Variants in FAM110B observed in about 807,000 individuals in gnomAD.
FAM110B encodes the protein family with sequence similarity 110 member B, also known as protein FAM110B.
In FAM110B, 6 loss-of-function variants were observed where a neutral mutation model predicts 20.4. The observed-to-expected ratio is 0.29, with a 90% CI of 0.16 to 0.58. The LOEUF (loss-of-function observed/expected upper bound fraction) is 0.58, where lower values mean the gene tolerates loss of function less well. Among genes scored for constraint, FAM110B ranks in the 20% least tolerant of loss-of-function variants. The pLI is 0.90. For missense variants in FAM110B, 434 were observed against 498.2 expected (o/e 0.87, Z 1.23); for synonymous variants, 226 against 214.1 (o/e 1.06, Z -0.49).
chr8:58,060,511 G>T (rs1345384891), intron 2 of FAM110B, among the ~76,000 whole-genome samples: 2 of 152,212 alleles, frequency 1.3e-5, no homozygotes, highest in East Asian at 3.9e-4. Flanking sequence ...CAAGACCAGT[G>T]AGACTGACCA....
chr8:58,128,380 C>G (rs891198275), intron 3 of FAM110B, among the ~76,000 whole-genome samples: 4 of 152,154 alleles, frequency 2.6e-5, no homozygotes, highest in Non-Finnish European at 5.9e-5. Context: ...CAAGTGCTCT[C>G]AGAGAATTCT....
At chr8:58,004,764 A>G (rs954251340) in intron 1 of FAM110B, among the ~76,000 whole-genome samples, 1 of 152,178 alleles carries the variant, frequency 6.6e-6, no homozygotes, top group Non-Finnish European at 1.5e-5. Flanking sequence ...AACAAACCTC[A>G]TGAACCAACG....
At chr8:58,097,873 G>A (rs1299697017) in intron 3 of FAM110B, among the ~76,000 whole-genome samples, 1 of 152,158 alleles carries the variant, frequency 6.6e-6, no homozygotes, top group Non-Finnish European at 1.5e-5. Flanking sequence ...TGTTTGCATG[G>A]GTATCACCAG....
chr8:58,061,465 C>T (rs1228098550), intron 2 of FAM110B, among the ~76,000 whole-genome samples: 1 of 152,210 alleles, frequency 6.6e-6, no homozygotes, highest in Admixed American at 6.5e-5. Context: ...TTTAAACTCT[C>T]CTCTTCATTA....
chr8:58,116,726 A>G (rs1342564959), intron 3 of FAM110B, among the ~76,000 whole-genome samples: 1 of 152,146 alleles, frequency 6.6e-6, no homozygotes, highest in South Asian at 2.1e-4. Context: ...TGAATGTGTC[A>G]TGATAGTAAA....
intron 3 of FAM110B, among the ~76,000 whole-genome samples, chr8:58,107,005 A>C (rs1021559426): frequency 5.3e-5 from 8 of 152,126 alleles, no homozygotes; most frequent in Non-Finnish European, 1.0e-4. Context: ...ATTATTAAGT[A>C]CTCATTGCAT....
At chr8:58,109,375 A>T (rs180978893) in intron 3 of FAM110B, among the ~76,000 whole-genome samples, 5 of 152,240 alleles carry the variant, frequency 3.3e-5, no homozygotes, top group Admixed American at 3.3e-4. Flanking sequence ...TTGCTATACA[A>T]ATCTAGCCAT....
chr8:58,060,223 G>A (rs776596961), intron 2 of FAM110B, among the ~76,000 whole-genome samples: 5 of 152,120 alleles, frequency 3.3e-5, no homozygotes, highest in Non-Finnish European at 5.9e-5. Flanking sequence ...ATTCCTCACC[G>A]TGGCTCACAT....
At chr8:58,002,805 G>T (rs1228039360) in intron 1 of FAM110B, among the ~76,000 whole-genome samples, 2 of 152,204 alleles carry the variant, frequency 1.3e-5, no homozygotes, top group East Asian at 3.8e-4. Context: ...TGAGCCTTCA[G>T]CAAGTCATAC....
At chr8:58,117,741 A>G (rs1368768217) in intron 3 of FAM110B, among the ~76,000 whole-genome samples, 1 of 152,208 alleles carries the variant, frequency 6.6e-6, no homozygotes, top group Non-Finnish European at 1.5e-5. Context: ...GCACGGTCTG[A>G]GTGCTATTTC....
At position 58,146,154 on chromosome 8, in the gene FAM110B, G is replaced by A; in HGVS notation, c.-77G>A. ...GCACCCGCCGCCCTTGGCGCTTCAT[G>A]TACATGTGTCTATTCAGGCCTTGCG... On this transcript the variant is annotated 5_prime_UTR_variant, in exon 4 of 4. It removes an upstream start codon present in the reference 5' UTR. Transcript: ENST00000519262. 3 of 1,499,170 alleles carry A rather than the reference G, an allele frequency of 2.0e-6. No homozygotes were observed. Among genetic ancestry groups the A allele is most frequent in the Non-Finnish European group, 2.7e-6 (3 of 1,121,928 alleles). 92.9% of individuals were successfully genotyped at this position (1,499,170 alleles called of 1,614,324 possible).
At chr8:58,107,343 G>A (rs1440574809) in intron 3 of FAM110B, among the ~76,000 whole-genome samples, 1 of 151,902 alleles carries the variant, frequency 6.6e-6, no homozygotes, top group Non-Finnish European at 1.5e-5. Flanking sequence ...GTTTTTTGTT[G>A]TTGTTGTTGT....
chr8:58,010,940 G>A (rs1181225111), intron 1 of FAM110B, among the ~76,000 whole-genome samples: 2 of 152,168 alleles, frequency 1.3e-5, no homozygotes, highest in Non-Finnish European at 2.9e-5. Flanking sequence ...TCGTGACACT[G>A]TTCTTTGGGA....
intron 3 of FAM110B, among the ~76,000 whole-genome samples, chr8:58,076,811 C>A (rs1806048421): frequency 6.6e-6 from 1 of 152,172 alleles, no homozygotes; most frequent in African/African-American, 2.4e-5. Context: ...TGAGTGGCCC[C>A]ATGCTTGGAT....
intron 2 of FAM110B, among the ~76,000 whole-genome samples, chr8:58,067,400 C>T (rs1805794405): frequency 1.3e-5 from 2 of 152,200 alleles, no homozygotes; most frequent in African/African-American, 2.4e-5. Context: ...TGTGGTCAGA[C>T]CCTCAGGGAG....
chr8:58,104,865 A>G (rs1419683416), intron 3 of FAM110B, among the ~76,000 whole-genome samples: 1 of 152,170 alleles, frequency 6.6e-6, no homozygotes, highest in Non-Finnish European at 1.5e-5. Context: ...TCTCTTGGAA[A>G]TAAATGTTGA....
intron 3 of FAM110B, among the ~76,000 whole-genome samples, chr8:58,108,550 C>A (rs1265431822): frequency 6.6e-6 from 1 of 152,184 alleles, no homozygotes; most frequent in African/African-American, 2.4e-5. Flanking sequence ...ATCGAGGCTG[C>A]TCCTGACTTC....
intron 1 of FAM110B, among the ~76,000 whole-genome samples, chr8:58,017,072 G>A (rs1585813849): frequency 6.6e-6 from 1 of 152,190 alleles, no homozygotes; most frequent in East Asian, 1.9e-4. Context: ...TTGAGTTAGG[G>A]AGAGATGCCA....
In FAM110B at chr8:58,046,310, G is replaced by A. The variant is rs149454323; in HGVS notation, c.-414+14607G>A. Reference sequence around the variant, plus strand: ...AATAACACAACTGTGAACTTTAAAAGTGTTAGTAATTCAGTCTTCTAGGAC... The same window carrying A: ...AATAACACAACTGTGAACTTTAAAAATGTTAGTAATTCAGTCTTCTAGGAC... On this transcript the variant is annotated intron_variant, in intron 2 of 3. Coordinates refer to ENST00000519262, the MANE Select transcript of FAM110B (RefSeq NM_001377989.1). 1.4e-4 allele frequency among the ~76,000 whole-genome samples: 22 copies of A among 152,250 alleles called. No homozygotes were observed. In the East Asian group the frequency reaches 3.1e-3, roughly 21 times the overall value.
Sources: gnomAD v4.1 joint callset for allele counts (sites outside exome capture counted in the v4.1 genomes callset) on GRCh38, gnomAD v4.1.1 for gene constraint, MANE v1.5 for transcripts, NCBI Gene and HGNC (gene_info 2026-07-23, HGNC 2026-07-21) for gene names.